The following USP48 variants were observed in gnomAD, a reference collection of about 807,000 sequenced individuals.
The protein encoded by USP48 is ubiquitin specific peptidase 48.
Under a neutral mutation model 150.7 loss-of-function variants are expected in USP48, and 43 were observed. The ratio of observed to expected loss-of-function variants is 0.29; its 90% CI spans 0.22 to 0.37. The LOEUF is 0.37. Ranked by LOEUF, USP48 falls within the 10% of genes least tolerant of loss-of-function variation. USP48 has a pLI of 1.00. For synonymous variants in USP48, 396 were observed against 425.9 expected (o/e 0.93, Z 0.86); for missense variants, 813 against 1,249.6 (o/e 0.65, Z 5.27).
At chr1:21,778,415 T>C (rs890059490) in intron 1 of USP48, among the ~76,000 whole-genome samples, 1 of 152,004 alleles carries the variant, frequency 6.6e-6, no homozygotes, top group East Asian at 1.9e-4. Flanking sequence ...AATCCTCATA[T>C]ACTGCTTGTG....
At chr1:21,718,564 CTTTTT>C (rs5772963) in intron 14 of USP48, among the ~76,000 whole-genome samples, 6 of 146,856 alleles carry the variant, frequency 4.1e-5, no homozygotes, top group Non-Finnish European at 7.5e-5. Context: ...AGGCCTTTTT[CTTTTT>C]TTTTTTTGAG....
intron 14 of USP48, among the ~76,000 whole-genome samples, chr1:21,715,675 T>C (rs1043057282): frequency 1.3e-5 from 2 of 152,240 alleles, no homozygotes; most frequent in African/African-American, 4.8e-5. Context: ...TTTTAAAGAT[T>C]TAGGTTATGC....
At chr1:21,718,260 C>T (rs1022750097) in intron 14 of USP48, among the ~76,000 whole-genome samples, 1 of 152,048 alleles carries the variant, frequency 6.6e-6, no homozygotes, top group Non-Finnish European at 1.5e-5. Context: ...TGCAATTAAT[C>T]AATAAAAAGG....
At chr1:21,727,543 G>A (rs975166400) in intron 11 of USP48, among the ~76,000 whole-genome samples, 6 of 152,140 alleles carry the variant, frequency 3.9e-5, no homozygotes, top group African/African-American at 4.8e-5. Context: ...ACAGGAAACC[G>A]TGAATAAAGT....
intron 6 of USP48, among the ~76,000 whole-genome samples, chr1:21,750,717 A>G (rs1249026766): frequency 1.3e-5 from 2 of 148,366 alleles, no homozygotes; most frequent in Non-Finnish European, 3.0e-5. Context: ...TACTAAAAAT[A>G]CACACACAAA....
At chr1:21,728,779 T>C in intron 10 of USP48, 60 bp from the exon 11 acceptor site, 2 of 1,573,256 alleles carry the variant, frequency 1.3e-6, no homozygotes, top group South Asian at 1.1e-5. Flanking sequence ...TAGTGAACCA[T>C]GCTAATCTCT....
Position 21,728,673 on chromosome 1 carries a change from C to T in USP48, c.1347G>A (p.Glu449=). 6.2e-7 allele frequency: 1 copy of T among 1,614,206 alleles called. No homozygotes were observed. The highest frequency in any genetic ancestry group is 8.5e-7 in the Non-Finnish European group (1 of 1,180,036). The part of the protein sequence containing the change: ...LVDRDNSKFE[E]WCIEMAEMRK... Reference sequence around the variant, plus strand: ...GCATCTCAGCCATTTCAATACACCACTCCTCAAATTTGGAATTATCCCGAT... The same window carrying T: ...GCATCTCAGCCATTTCAATACACCATTCCTCAAATTTGGAATTATCCCGAT... The change falls in exon 11 of 27, where the codon GAG becomes GAA. Residue 449 remains glutamate, a synonymous_variant. Coordinates refer to ENST00000308271, the MANE Select transcript of USP48 (RefSeq NM_032236.8).
chr1:21,764,095 G>A (rs1271656194), intron 1 of USP48, among the ~76,000 whole-genome samples: 1 of 152,068 alleles, frequency 6.6e-6, no homozygotes, highest in Non-Finnish European at 1.5e-5. Context: ...ATGTGTACCT[G>A]TGTCTATCAA....
intron 9 of USP48, among the ~76,000 whole-genome samples, chr1:21,734,428 A>G (rs1218778002): frequency 2.0e-5 from 3 of 152,188 alleles, no homozygotes; most frequent in Admixed American, 2.0e-4. Context: ...AGGAAAGAAA[A>G]TAAAATTTAA....
intron 25 of USP48, 119 bp from the exon 26 acceptor site, chr1:21,680,953 G>C: frequency 1.4e-6 from 1 of 706,394 alleles, no homozygotes; most frequent in Non-Finnish European, 2.3e-6. Flanking sequence ...TTTGTCACCT[G>C]TAATAATCAT....
intron 8 of USP48, among the ~76,000 whole-genome samples, chr1:21,740,992 C>T (rs781063552): frequency 9.9e-5 from 15 of 152,126 alleles, no homozygotes; most frequent in Non-Finnish European, 2.1e-4. Flanking sequence ...AAGAGTTGGG[C>T]GACATGCAAC....
chr1:21,742,628 T>C (rs2097784871), intron 8 of USP48, among the ~76,000 whole-genome samples: 1 of 151,594 alleles, frequency 6.6e-6, no homozygotes, highest in African/African-American at 2.4e-5. Flanking sequence ...TCCTGAGTCC[T>C]GAACAGAGCG....
At chr1:21,723,414 G>A (rs1334879780) in intron 12 of USP48, among the ~76,000 whole-genome samples, 2 of 151,820 alleles carry the variant, frequency 1.3e-5, no homozygotes, top group Non-Finnish European at 2.9e-5. Flanking sequence ...CAGCTACTCG[G>A]GAGGCTCGAG....
intron 11 of USP48, chr1:21,727,808 T>C (rs2097743347): frequency 2.2e-6 from 2 of 919,838 alleles, no homozygotes; most frequent in Non-Finnish European, 2.6e-6. Context: ...GTTATACTAG[T>C]AATGGAAAAT....
Position 21,726,219 on chromosome 1 carries a change from C to T in USP48, c.1451-2124G>A, listed in dbSNP as rs146539831. The stretch of plus-strand genomic sequence containing the variant: ...CTAGGAAAGCTCAAAATGCACAAAG[C>T]CCTCCTTGCCAGGGGATGTCTGCAG... On this transcript the variant is annotated intron_variant, in intron 11 of 26. Coordinates refer to ENST00000308271, the MANE Select transcript of USP48 (RefSeq NM_032236.8). 2.2e-3 allele frequency among the ~76,000 whole-genome samples: 337 copies of T among 152,186 alleles called. 2 individuals carry two copies. Among genetic ancestry groups the T allele is most frequent in the African/African-American group, 7.0e-3 (290 of 41,526 alleles).
chr1:21,720,342 G>A (rs907208643), intron 14 of USP48, among the ~76,000 whole-genome samples: 12 of 152,150 alleles, frequency 7.9e-5, no homozygotes, highest in Non-Finnish European at 1.2e-4. Context: ...GCTTGAGCCC[G>A]AAGCATGATA....
At chr1:21,695,316 T>C (rs890726406) in intron 22 of USP48, 95 bp from the exon 23 acceptor site, 5 of 1,316,492 alleles carry the variant, frequency 3.8e-6, no homozygotes, top group Non-Finnish European at 5.1e-6. Flanking sequence ...GCTGTTTCCT[T>C]ATTGGTCCCT....
rs575617908 is a variant in USP48 at position 21,728,966 on chromosome 1, A to T, written c.1301-247T>A. On this transcript the variant is annotated intron_variant, in intron 10 of 26. Transcript: ENST00000308271. ...CATCATCAGCCTCCCAGAACAATCG[A>T]ATGGCTCAAAATCACCACTTTAGAA... Among the ~76,000 whole-genome samples the T allele has an allele frequency of 2.0e-5, 3 of 152,210 alleles. No individual in the cohort carries two copies. In the South Asian group the frequency reaches 6.2e-4, roughly 32 times the overall value.
At chr1:21,767,309 TG>T (rs1389154746) in intron 1 of USP48, among the ~76,000 whole-genome samples, 1 of 152,056 alleles carries the variant, frequency 6.6e-6, no homozygotes, top group Non-Finnish European at 1.5e-5. Flanking sequence ...CCACTGTGCC[TG>T]GGACCTTTTT....
Sources: allele counts gnomAD v4.1 joint callset (sites outside exome capture counted in the v4.1 genomes callset), GRCh38; gene constraint gnomAD v4.1.1; transcripts MANE v1.5; gene names NCBI Gene and HGNC (gene_info 2026-07-23, HGNC 2026-07-21).